The following DOK6 variants were observed in gnomAD, a reference collection of about 807,000 sequenced individuals.
The protein encoded by DOK6 is docking protein 6.
In DOK6, 22 loss-of-function variants were observed where a neutral mutation model predicts 44.0. That is an observed-to-expected ratio of 0.50 (90% CI 0.36 to 0.71). The LOEUF is 0.71. DOK6 is among the 30% of genes least tolerant of loss of function. The probability of loss-of-function intolerance (pLI) is 0.00; values close to 1 mark genes in which losing one functional copy is unlikely to be tolerated. For synonymous variants in DOK6, 166 were observed against 145.5 expected, an observed-to-expected ratio of 1.14 and a Z score of -1.01; for missense variants, 340 against 416.4, an observed-to-expected ratio of 0.82 and a Z score of 1.60.
intron 3 of DOK6, among the ~76,000 whole-genome samples, chr18:69,611,917 A>C (rs555368873): frequency 6.7e-6 from 1 of 149,436 alleles, no homozygotes; most frequent in South Asian, 2.2e-4. Flanking sequence ...GTGCGTACAC[A>C]AACCTCCACA....
At chr18:69,751,337 T>TATA (rs34727772) in intron 6 of DOK6, among the ~76,000 whole-genome samples, 6 of 151,794 alleles carry the variant, frequency 4.0e-5, no homozygotes, top group African/African-American at 1.2e-4. Context: ...TAAATTATAA[T>TATA]ATGTGCCCCA....
chr18:69,694,941 CTT>C (rs1986358586), intron 4 of DOK6, among the ~76,000 whole-genome samples: 1 of 152,130 alleles, frequency 6.6e-6, no homozygotes, highest in Non-Finnish European at 1.5e-5. Flanking sequence ...GCTCCTGTCT[CTT>C]GTTTTGTTCC....
At chr18:69,737,328 A>G (rs1009054393) in intron 5 of DOK6, among the ~76,000 whole-genome samples, 1 of 152,176 alleles carries the variant, frequency 6.6e-6, no homozygotes, top group Non-Finnish European at 1.5e-5. Flanking sequence ...GAGAGAGAAG[A>G]GCAAAGGAAG....
At chr18:69,508,735 A>T (rs898572404) in intron 1 of DOK6, among the ~76,000 whole-genome samples, 8 of 151,870 alleles carry the variant, frequency 5.3e-5, no homozygotes, top group African/African-American at 1.9e-4. Flanking sequence ...TATAGCAGAG[A>T]TATTTTTTCT....
intron 2 of DOK6, among the ~76,000 whole-genome samples, chr18:69,588,957 CAT>C (rs1463006117): frequency 1.3e-5 from 2 of 152,026 alleles, no homozygotes; most frequent in Non-Finnish European, 2.9e-5. Context: ...TGTCAGAGCA[CAT>C]GTCTGTCACA....
At position 69,847,783 on chromosome 18, in the gene DOK6, T is replaced by TATAC. The variant is rs71905470; in HGVS notation, c.*6402_*6403insACAT. On this transcript the variant is annotated 3_prime_UTR_variant, in exon 8 of 8. Coordinates refer to ENST00000382713, the MANE Select transcript of DOK6 (RefSeq NM_152721.6). ...CTTGTAAAAAAAAAAAATATATATATATGTATCAGCAGGTAGAGTGTGGGA... is the reference window on the plus strand; with the variant it reads ...CTTGTAAAAAAAAAAAATATATATATATACATGTATCAGCAGGTAGAGTGTGGGA... 1 of 150,958 alleles carries TATAC rather than the reference T, an allele frequency of 6.6e-6. No individual in the cohort carries two copies. Among genetic ancestry groups the TATAC allele is most frequent in the Admixed American group, 6.6e-5 (1 of 15,164 alleles). 9.4% of individuals were successfully genotyped at this position (150,958 alleles called of 1,614,324 possible).
intron 1 of DOK6, among the ~76,000 whole-genome samples, chr18:69,405,734 C>T (rs897950334): frequency 6.6e-6 from 1 of 152,166 alleles, no homozygotes; most frequent in African/African-American, 2.4e-5. Flanking sequence ...GAGATTATAT[C>T]TTGCATGGCA....
chr18:69,782,482 A>G (rs533130881), intron 7 of DOK6, among the ~76,000 whole-genome samples: 6 of 147,872 alleles, frequency 4.1e-5, no homozygotes, highest in Admixed American at 2.0e-4. Context: ...AAGTGCTGGG[A>G]TTACAGGCGT....
At chr18:69,461,914 G>A (rs537902454) in intron 1 of DOK6, among the ~76,000 whole-genome samples, 2 of 152,088 alleles carry the variant, frequency 1.3e-5, no homozygotes, top group South Asian at 2.1e-4. Flanking sequence ...AACTTCCCAC[G>A]CAGCTCAAAA....
chr18:69,595,528 G>T (rs1335988539), intron 2 of DOK6, among the ~76,000 whole-genome samples: 1 of 152,024 alleles, frequency 6.6e-6, no homozygotes, highest in East Asian at 1.9e-4. Flanking sequence ...GATTTCTTTG[G>T]ACATTGTTTC....
intron 5 of DOK6, among the ~76,000 whole-genome samples, chr18:69,735,994 A>C (rs2144735280): frequency 6.6e-6 from 1 of 152,318 alleles, no homozygotes. Context: ...ATAGGTGAGA[A>C]GTTAATAGGT....
At chr18:69,522,610 A>G (rs1981718452) in intron 1 of DOK6, among the ~76,000 whole-genome samples, 1 of 152,070 alleles carries the variant, frequency 6.6e-6, no homozygotes, top group African/African-American at 2.4e-5. Flanking sequence ...AAAAGTAGAG[A>G]CTCACAAAAC....
At chr18:69,566,432 G>GGCC (rs1349057069) in intron 2 of DOK6, among the ~76,000 whole-genome samples, 3 of 152,094 alleles carry the variant, frequency 2.0e-5, no homozygotes, top group African/African-American at 7.2e-5. Context: ...CACCGCACCC[G>GGCC]GCCCAGTTTA....
intron 1 of DOK6, among the ~76,000 whole-genome samples, chr18:69,559,905 G>A (rs1982785899): frequency 1.3e-5 from 2 of 152,062 alleles, no homozygotes; most frequent in Non-Finnish European, 1.5e-5. Flanking sequence ...CTTCTTGTAA[G>A]AGCACTAATC....
At chr18:69,565,521 G>GTGTA (rs1233673118) in intron 2 of DOK6, among the ~76,000 whole-genome samples, 1 of 3,160 alleles carries the variant, frequency 3.2e-4, no homozygotes, top group African/African-American at 6.5e-4. Context: ...GTGTGTGTGT[G>GTGTA]TATATATATA....
rs187309533 is a variant in DOK6 at position 69,516,624 on chromosome 18, T to C, written c.67-47863T>C. On this transcript the variant is annotated intron_variant, in intron 1 of 7. Coordinates refer to ENST00000382713, the MANE Select transcript of DOK6 (RefSeq NM_152721.6). ...AACAATATTCTATCATATTATCTTCTTTAATGTTGTTTTGGCTGCACTAGA... is the reference window on the plus strand; with the variant it reads ...AACAATATTCTATCATATTATCTTCCTTAATGTTGTTTTGGCTGCACTAGA... 1.7e-3 allele frequency among the ~76,000 whole-genome samples: 252 copies of C among 152,312 alleles called. 1 individual carries two copies. The highest frequency in any genetic ancestry group is 5.7e-3 in the African/African-American group (238 of 41,570).
At chr18:69,504,227 A>G (rs2144550670) in intron 1 of DOK6, among the ~76,000 whole-genome samples, 1 of 152,178 alleles carries the variant, frequency 6.6e-6, no homozygotes, top group African/African-American at 2.4e-5. Context: ...GTCAACAAAG[A>G]TCTATCTCTT....
intron 1 of DOK6, among the ~76,000 whole-genome samples, chr18:69,488,254 G>A (rs1346538027): frequency 6.6e-6 from 1 of 152,112 alleles, no homozygotes; most frequent in Non-Finnish European, 1.5e-5. Context: ...AACCCTAATT[G>A]CTTCTTAAAG....
At chr18:69,458,835 T>G (rs943091933) in intron 1 of DOK6, among the ~76,000 whole-genome samples, 1 of 152,140 alleles carries the variant, frequency 6.6e-6, no homozygotes, top group African/African-American at 2.4e-5. Flanking sequence ...CTCATGCCTG[T>G]AATCCCAGCA....
Sources: allele counts gnomAD v4.1 joint callset (sites outside exome capture counted in the v4.1 genomes callset), GRCh38; gene constraint gnomAD v4.1.1; transcripts MANE v1.5; gene names NCBI Gene and HGNC (gene_info 2026-07-23, HGNC 2026-07-21).